Variants in LILRB1 observed in about 807,000 individuals in gnomAD.
The protein encoded by LILRB1 is leukocyte immunoglobulin-like receptor subfamily B member 1.
A neutral mutation model predicts 74.6 loss-of-function variants in LILRB1; 59 were observed. The ratio of observed to expected loss-of-function variants is 0.79; its 90% confidence interval spans 0.64 to 0.98. The LOEUF (loss-of-function observed/expected upper bound fraction) is 0.98. Among genes scored for constraint, LILRB1 ranks in the 50% least tolerant of loss-of-function variants. The probability of loss-of-function intolerance (pLI) is 0.00; values close to 1 mark genes in which losing one functional copy is unlikely to be tolerated. For synonymous variants in LILRB1, 328 were observed against 333.9 expected (o/e 0.98, Z 0.19); for missense variants, 804 against 822.6 (o/e 0.98, Z 0.28).
intron 10 of LILRB1, 60 bp from the exon 11 acceptor site, chr19:54,635,044 G>A (rs2064269533): frequency 3.2e-6 from 4 of 1,254,238 alleles, no homozygotes; most frequent in Non-Finnish European, 4.4e-6. Context: ...TTCGAGCTGT[G>A]TGTGCAGGGC....
chr19:54,622,206 T>C (rs1208634541), intron 1 of LILRB1, among the ~76,000 whole-genome samples: 1 of 152,236 alleles, frequency 6.6e-6, no homozygotes, highest in Non-Finnish European at 1.5e-5. Context: ...AAATTGCTTT[T>C]TCTCTAATTC....
rs2063743571 is a variant in LILRB1, at chr19:54,630,507, CCA to C, written c.-171_-170del. On this transcript the variant is annotated 5_prime_UTR_variant, in exon 1 of 15. Transcript: ENST00000324602. ...CTGCATTTCTCTTCTGTGCTCACTGCCACACGCAGCTCAGCCTGGGCGGCACA... is the reference window on the plus strand; with the variant it reads ...CTGCATTTCTCTTCTGTGCTCACTGCCACGCAGCTCAGCCTGGGCGGCACA... 1 of 484,814 alleles carries C rather than the reference CCA, an allele frequency of 2.1e-6. No individual in the cohort carries two copies. Among genetic ancestry groups the C allele is most frequent in the Non-Finnish European group, 4.0e-6 (1 of 247,194 alleles). 30.0% of individuals were successfully genotyped at this position (484,814 alleles called of 1,614,324 possible).
upstream of LILRB1, among the ~76,000 whole-genome samples, chr19:54,616,979 ACTCTGCAT>A (rs1037548682): frequency 6.6e-6 from 1 of 152,026 alleles, no homozygotes; most frequent in Non-Finnish European, 1.5e-5. Flanking sequence ...GGAGCTGGTC[ACTCTGCAT>A]TTTGGGCCCT....
intron 1 of LILRB1, among the ~76,000 whole-genome samples, chr19:54,623,492 C>G (rs1465750160): frequency 6.6e-6 from 1 of 152,088 alleles, no homozygotes; most frequent in Admixed American, 6.5e-5. Context: ...ATTTCTGTGG[C>G]GTTGGTTGTA....
intron 8 of LILRB1, 21 bp downstream of exon 8, chr19:54,633,709 A>T: frequency 6.2e-7 from 1 of 1,609,824 alleles, no homozygotes; most frequent in East Asian, 2.2e-5. Context: ...GAGGCTTCTG[A>T]ACTCAAGGGA....
At position 54,636,882 on chromosome 19, in the gene LILRB1, A is replaced by AG. The variant is rs775561177; in HGVS notation, c.*11dup. 15 of 1,603,346 alleles carry AG rather than the reference A, an allele frequency of 9.4e-6. No individual in the cohort carries two copies. Among genetic ancestry groups the AG allele is most frequent in the East Asian group, 2.2e-5 (1 of 44,698 alleles). ...CGCCACTCTGGCCATCCACTAGCCCAGGGGGGGACGCAGACCCCACACTCC... is the reference window on the plus strand; with the variant it reads ...CGCCACTCTGGCCATCCACTAGCCCAGGGGGGGGACGCAGACCCCACACTCC... On this transcript the variant is annotated 3_prime_UTR_variant, in exon 15 of 15. Transcript: ENST00000324602.
At chr19:54,626,901 G>A (rs2063606977), upstream of LILRB1, among the ~76,000 whole-genome samples, 1 of 152,202 alleles carries the variant, frequency 6.6e-6, no homozygotes, top group Non-Finnish European at 1.5e-5. Context: ...TGGGGCCCAT[G>A]TGAGCCTCAC....
rs539199139 is a variant in LILRB1 at position 54,635,640 on chromosome 19, A to G, written c.1653+31A>G. 1.2e-5 allele frequency: 20 copies of G among 1,609,686 alleles called. No homozygotes were observed. The East Asian group carries it at 2.7e-4, about 22-fold the overall frequency. ...ACCCCACCCCTGTCCCAGGCACCAA[A>G]GGCCTCCTGGTGCCAGATCTAATCC... is the stretch of plus-strand genomic sequence containing the variant. On this transcript the variant is annotated intron_variant, in intron 13 of 14. Transcript: ENST00000324602.
At position 54,635,124 on chromosome 19, in the gene LILRB1, C is replaced by G. The variant is rs770139748; in HGVS notation, c.1507C>G (p.Gln503Glu). The G allele has an allele frequency of 1.3e-6, 2 of 1,585,976 alleles. No homozygotes were observed. Among genetic ancestry groups the G allele is most frequent in the Non-Finnish European group, 1.7e-6 (2 of 1,160,464 alleles). The change falls in exon 11 of 15, where the codon CAA becomes GAA. Residue 503 changes from glutamine (Q) to glutamate (E), a missense_variant. By Grantham distance (29) the Gln-to-Glu change is conservative. Transcript: ENST00000324602. ...WTSTQRKADFQHPAGAVGPEP... is the reference protein window; with the variant it reads ...WTSTQRKADFEHPAGAVGPEP... ...CCCAGCCCAGAGAAAGGCTGATTTC[C>G]AACATCCTGCAGGGGCTGTGGGGCC...
chr19:54,634,761 C>T lies in LILRB1; in HGVS notation c.1484C>T (p.Ser495Leu), dbSNP rs376436279. 87 of 1,613,692 alleles carry T rather than the reference C, an allele frequency of 5.4e-5. No individual in the cohort carries two copies. The highest frequency in any genetic ancestry group is 2.8e-4 in the African/African-American group (21 of 74,978). ...RHRRQGKHWT[S>L]TQRKADFQHP... ...CGACGTCAGGGCAAACACTGGACAT[C>T]GAGTGAGTAGGGAATGGGGGGACCC... Residue 495 changes from serine to leucine, a missense_variant and splice_region_variant, in exon 10 of 15, where the codon TCG (serine) becomes TTG (leucine). Physicochemically the swap from Ser to Leu is moderately radical, Grantham distance 145. Transcript: ENST00000324602.
intron 13 of LILRB1, chr19:54,636,259 G>C: frequency 1.3e-6 from 1 of 771,192 alleles, no homozygotes; most frequent in Non-Finnish European, 2.1e-6. Flanking sequence ...CCCCCAGGCA[G>C]CAGCGAGCTC....
chr19:54,630,882 C>T, intron 1 of LILRB1, 144 bp from the exon 2 acceptor site: 1 of 1,152,842 alleles, frequency 8.7e-7, no homozygotes, highest in Non-Finnish European at 1.2e-6. Flanking sequence ...AGTGACTGCC[C>T]CCACCTCAGC....
At chr19:54,621,347 G>C (rs1314094682) in intron 1 of LILRB1, among the ~76,000 whole-genome samples, 2 of 152,174 alleles carry the variant, frequency 1.3e-5, no homozygotes, top group African/African-American at 2.4e-5. Flanking sequence ...TGTTGGTTCT[G>C]ACTTCTTAAA....
chr19:54,620,150 C>T (rs1471119527), intron 1 of LILRB1, among the ~76,000 whole-genome samples: 1 of 151,166 alleles, frequency 6.6e-6, no homozygotes, highest in African/African-American at 2.4e-5. Flanking sequence ...ATAAAAAGAA[C>T]AATTTAGCCA....
At chr19:54,617,553 C>CTGTCTGTGTG (rs1555789266) in intron 1 of LILRB1, among the ~76,000 whole-genome samples, 10 of 143,304 alleles carry the variant, frequency 7.0e-5, no homozygotes, top group Admixed American at 3.5e-4. Context: ...TACAGGATGT[C>CTGTCTGTGTG]TGTGTGTGTG....
chr19:54,633,753 C>T, intron 8 of LILRB1, 65 bp downstream of exon 8: 1 of 1,543,262 alleles, frequency 6.5e-7, no homozygotes, highest in South Asian at 1.2e-5. Context: ...CTGGGTCTCC[C>T]AGAGAATCCC....
chr19:54,632,812 C>G (rs1003826171), intron 6 of LILRB1, 52 bp downstream of exon 6: 1 of 1,605,410 alleles, frequency 6.2e-7, no homozygotes, highest in Non-Finnish European at 8.5e-7. Context: ...ACAGGCCCTG[C>G]CGGGGGAGCT....
At chr19:54,630,737 A>G in intron 1 of LILRB1, 104 bp downstream of exon 1, 2 of 657,508 alleles carry the variant, frequency 3.0e-6, no homozygotes, top group Non-Finnish European at 5.4e-6. Flanking sequence ...CCTCGTCAGG[A>G]AGGGCAGACA....
chr19:54,634,931 G>T, intron 10 of LILRB1, 168 bp downstream of exon 10: 1 of 1,452,740 alleles, frequency 6.9e-7, no homozygotes, highest in East Asian at 2.3e-5. Flanking sequence ...TGTCCTTCGG[G>T]CTCAGTGCCA....
Sources: gnomAD v4.1 joint callset for allele counts (sites outside exome capture counted in the v4.1 genomes callset) on GRCh38, gnomAD v4.1.1 for gene constraint, MANE v1.5 for transcripts, NCBI Gene and HGNC (gene_info 2026-07-23, HGNC 2026-07-21) for gene names.